The following RNLS variants were observed in gnomAD, a reference collection of about 807,000 sequenced individuals.
RNLS encodes renalase.
RNLS carries 39 observed loss-of-function variants against 39.8 expected under a neutral mutation model. That is an observed-to-expected ratio of 0.98 (90% confidence interval 0.76 to 1.28). The LOEUF (loss-of-function observed/expected upper bound fraction) is 1.28. Among genes scored for constraint, RNLS ranks in the 50% most tolerant of loss-of-function variants. The probability of loss-of-function intolerance (pLI) is 0.00; values close to 1 mark genes in which losing one functional copy is unlikely to be tolerated. For missense variants in RNLS, 410 were observed against 413.3 expected, an observed-to-expected ratio of 0.99 and a Z score of 0.07; for synonymous variants, 147 against 150.7, an observed-to-expected ratio of 0.98 and a Z score of 0.18.
At chr10:88,334,023 A>T (rs1030373928) in intron 5 of RNLS, among the ~76,000 whole-genome samples, 16 of 152,232 alleles carry the variant, frequency 1.1e-4, no homozygotes, top group African/African-American at 3.6e-4. Context: ...ATTTTGTTAT[A>T]GGAGCACAAA....
In RNLS at chr10:88,284,821, A is replaced by T. The variant is rs575901540; in HGVS notation, c.*533T>A. On this transcript the variant is annotated 3_prime_UTR_variant, in exon 7 of 7. Transcript: ENST00000331772. ...CCACACTAAGATGATGACATATATG[A>T]CCTACAATTCAGGATCACTTAATAA... 191 of 985,312 alleles carry T rather than the reference A, an allele frequency of 1.9e-4. No individual in the cohort carries two copies. The Middle Eastern group carries it at 3.1e-3, about 16-fold the overall frequency. The allele number at this position is 985,312 out of a possible 1,614,324, so 61.0% of individuals were successfully genotyped here.
At chr10:88,501,415 C>A (rs1845477246) in intron 4 of RNLS, among the ~76,000 whole-genome samples, 2 of 152,094 alleles carry the variant, frequency 1.3e-5, no homozygotes, top group African/African-American at 4.8e-5. Flanking sequence ...CACAGCAATG[C>A]AAAGAGTAGT....
At chr10:88,557,348 TCTGTG>T (rs1425367543) in intron 4 of RNLS, among the ~76,000 whole-genome samples, 1 of 152,136 alleles carries the variant, frequency 6.6e-6, no homozygotes, top group Non-Finnish European at 1.5e-5. Flanking sequence ...ACAAAAGTGT[TCTGTG>T]CTGGCTACTC....
intron 4 of RNLS, among the ~76,000 whole-genome samples, chr10:88,458,683 G>A (rs1037369136): frequency 1.3e-5 from 2 of 152,098 alleles, no homozygotes; most frequent in East Asian, 1.9e-4. Flanking sequence ...CTACAGGGTC[G>A]AGAAGAATAC....
rs1201044061 is a variant in RNLS at position 88,402,265 on chromosome 10, A to G, written c.527-39540T>C. Among the ~76,000 whole-genome samples the G allele has an allele frequency of 2.0e-5, 3 of 152,072 alleles. No homozygotes were observed. The East Asian group carries it at 5.8e-4, about 29-fold the overall frequency. On this transcript the variant is annotated intron_variant, in intron 4 of 6. Coordinates refer to ENST00000331772, the MANE Select transcript of RNLS (RefSeq NM_001031709.3). ...ACAAAGGCATTATAAGACAAAATAG[A>G]AAGGGCAGAATAACTTCTCTACAGA...
chr10:88,541,319 C>T (rs1204706455), intron 4 of RNLS, among the ~76,000 whole-genome samples: 2 of 152,176 alleles, frequency 1.3e-5, no homozygotes, highest in African/African-American at 4.8e-5. Flanking sequence ...CTTTTCACTA[C>T]TATGTAAGTC....
At chr10:88,488,541 C>A (rs1189781595) in intron 4 of RNLS, among the ~76,000 whole-genome samples, 3 of 111,772 alleles carry the variant, frequency 2.7e-5, no homozygotes, top group Admixed American at 9.5e-5. Flanking sequence ...AGCAGAACTC[C>A]GTCTCAAAAA....
intron 4 of RNLS, among the ~76,000 whole-genome samples, chr10:88,461,259 T>G (rs1439215611): frequency 6.6e-6 from 1 of 152,106 alleles, no homozygotes; most frequent in Non-Finnish European, 1.5e-5. Flanking sequence ...TGCCAAGGGC[T>G]AAGAGCATGG....
At chr10:88,474,603 C>T (rs769229508) in intron 4 of RNLS, among the ~76,000 whole-genome samples, 1 of 152,086 alleles carries the variant, frequency 6.6e-6, no homozygotes, top group Non-Finnish European at 1.5e-5. Context: ...ATTTTCCTGG[C>T]ACTTTTGAGT....
At chr10:88,570,648 A>G (rs1849766838) in intron 4 of RNLS, among the ~76,000 whole-genome samples, 1 of 152,218 alleles carries the variant, frequency 6.6e-6, no homozygotes, top group South Asian at 2.1e-4. Context: ...TGGGAATAAG[A>G]CCCATGTCAG....
chr10:88,362,594 A>G lies in RNLS; in HGVS notation c.658T>C (p.Cys220Arg), dbSNP rs757519623. The change falls in exon 5 of 7, where the codon TGC becomes CGC. Residue 220 changes from cysteine (C) to arginine (R), a missense_variant. Transcript: ENST00000331772. ...WAGQYITSNP[C>R]IRFVSIDNKK... Reference sequence around the variant, plus strand: ...TTATCAATGGAGACGAAGCGTATGCAGGGATTACTGGTGATGTACTGCCCA... The same window carrying G: ...TTATCAATGGAGACGAAGCGTATGCGGGGATTACTGGTGATGTACTGCCCA... 5.0e-5 allele frequency: 80 copies of G among 1,613,758 alleles called. 1 individual carries two copies. In the South Asian group the frequency reaches 8.7e-4, roughly 17 times the overall value.
chr10:88,359,253 T>C (rs146815948), intron 5 of RNLS, among the ~76,000 whole-genome samples: 357 of 151,898 alleles, frequency 2.4e-3, no homozygotes, highest in African/African-American at 8.3e-3. Context: ...GAGGCAGAGG[T>C]TGCAGTGAGC....
chr10:88,364,620 T>C (rs1331723168), intron 4 of RNLS, among the ~76,000 whole-genome samples: 1 of 152,156 alleles, frequency 6.6e-6, no homozygotes, highest in Non-Finnish European at 1.5e-5. Context: ...GAATAAACTT[T>C]GACATTGCTT....
chr10:88,247,080 A>T, the RNLS span, among the ~76,000 whole-genome samples: 1 of 152,176 alleles, frequency 6.6e-6, no homozygotes, highest in Non-Finnish European at 1.5e-5. Flanking sequence ...AATCTTGGTG[A>T]CTTCAACAAG....
chr10:88,194,598 A>G, the RNLS span, among the ~76,000 whole-genome samples: 5 of 152,226 alleles, frequency 3.3e-5, no homozygotes, highest in African/African-American at 7.2e-5. Flanking sequence ...CTAAGAGTCA[A>G]CCAAAGACAA....
At chr10:88,571,050 C>A (rs867230542) in intron 4 of RNLS, among the ~76,000 whole-genome samples, 12 of 149,158 alleles carry the variant, frequency 8.0e-5, no homozygotes, top group Middle Eastern at 3.5e-3. Flanking sequence ...GTGGCACAGT[C>A]AGGGCCTACT....
chr10:88,419,212 C>A (rs1047472687), intron 4 of RNLS, among the ~76,000 whole-genome samples: 1 of 152,224 alleles, frequency 6.6e-6, no homozygotes, highest in Non-Finnish European at 1.5e-5. Flanking sequence ...CAAATGGTGT[C>A]CTTGCTGTGC....
At chr10:88,212,483 TTCAC>T in the RNLS span, among the ~76,000 whole-genome samples, 1 of 152,244 alleles carries the variant, frequency 6.6e-6, no homozygotes, top group Non-Finnish European at 1.5e-5. Context: ...AATCTAGTAA[TTCAC>T]TCATTCATTT....
At chr10:88,499,432 A>G (rs1845345654) in intron 4 of RNLS, among the ~76,000 whole-genome samples, 1 of 152,000 alleles carries the variant, frequency 6.6e-6, no homozygotes, top group Admixed American at 6.6e-5. Flanking sequence ...CCTCCAAACA[A>G]CCTGCCCCAG....
Sources: gnomAD v4.1 joint callset for allele counts (sites outside exome capture counted in the v4.1 genomes callset) on GRCh38, gnomAD v4.1.1 for gene constraint, MANE v1.5 for transcripts, NCBI Gene and HGNC (gene_info 2026-07-23, HGNC 2026-07-21) for gene names.